The following ALK variants were observed in gnomAD, a reference collection of about 807,000 sequenced individuals.
ALK encodes the protein ALK tyrosine kinase receptor.
In ALK, 74 loss-of-function variants were observed where a neutral mutation model predicts 163.1. That is an observed-to-expected ratio of 0.45 (90% CI 0.38 to 0.55). ALK has a LOEUF of 0.55. Ranked by LOEUF, ALK falls within the 20% of genes least tolerant of loss-of-function variation. The probability of loss-of-function intolerance (pLI) is 0.00; values close to 1 mark genes in which losing one functional copy is unlikely to be tolerated. For synonymous variants in ALK, 960 were observed against 843.2 expected (o/e 1.14, Z -2.40); for missense variants, 2,063 against 2,105.3 (o/e 0.98, Z 0.39).
intron 3 of ALK, among the ~76,000 whole-genome samples, chr2:29,645,884 A>T (rs904131411): frequency 2.0e-5 from 3 of 152,086 alleles, no homozygotes; most frequent in African/African-American, 4.8e-5. Flanking sequence ...TCTCCCCAAG[A>T]TGCTAATATT....
chr2:29,193,556 A>G lies in ALK; in HGVS notation c.4531T>C (p.Phe1511Leu), dbSNP rs1573078272. ...SLWNPTYGSW[F>L]TEKPTKKNNP... ...TTCTTTTTGGTGGGTTTCTCTGTAA[A>G]CCAGGAGCCGTACGTTGGGTTCCAC... The change falls in exon 29 of 29, where the codon TTT (phenylalanine) becomes CTT (leucine). Residue 1511 changes from phenylalanine to leucine, a missense_variant. By Grantham distance (22) the Phe-to-Leu change is conservative. This residue lies in a region of ALK where 403 missense variants were observed against 366.2 expected (regional missense o/e 1.10). Coordinates refer to ENST00000389048, the MANE Select transcript of ALK (RefSeq NM_004304.5). The G allele has an allele frequency of 6.2e-7, 1 of 1,614,132 alleles. No individual in the cohort carries two copies.
At chr2:29,403,605 C>T (rs539670050) in intron 4 of ALK, among the ~76,000 whole-genome samples, 1 of 145,618 alleles carries the variant, frequency 6.9e-6, no homozygotes, top group Admixed American at 7.2e-5. Flanking sequence ...CGCTGGCATG[C>T]TTGTTCACAC....
chr2:29,706,975 A>ATGTGTGTATGTG (rs1678928277), intron 2 of ALK, among the ~76,000 whole-genome samples: 1 of 102,726 alleles, frequency 9.7e-6, no homozygotes, highest in Non-Finnish European at 2.0e-5. Flanking sequence ...CTCATGCAGA[A>ATGTGTGTATGTG]TGTGTGTGTG....
intron 3 of ALK, among the ~76,000 whole-genome samples, chr2:29,544,648 C>T (rs1449651410): frequency 3.9e-5 from 6 of 151,974 alleles, no homozygotes; most frequent in African/African-American, 1.4e-4. Flanking sequence ...TAATCTATAT[C>T]TATATCTGTA....
At chr2:29,258,449 A>G (rs1665005755) in intron 11 of ALK, among the ~76,000 whole-genome samples, 1 of 152,230 alleles carries the variant, frequency 6.6e-6, no homozygotes, top group South Asian at 2.1e-4. Context: ...GAATATATTT[A>G]TAAAAAGATG....
intron 5 of ALK, among the ~76,000 whole-genome samples, chr2:29,378,045 G>A (rs1258526312): frequency 6.6e-6 from 1 of 152,192 alleles, no homozygotes; most frequent in Admixed American, 6.5e-5. Flanking sequence ...AAGAGAAGAG[G>A]AGATATAGTG....
At position 29,833,525 on chromosome 2, in the gene ALK, A is replaced by C. The variant is rs183075464; in HGVS notation, c.667+86468T>G. Among the ~76,000 whole-genome samples the C allele has an allele frequency of 2.0e-3, 303 of 152,364 alleles. 2 individuals carry two copies. Among genetic ancestry groups the C allele is most frequent in the Middle Eastern group, 6.8e-3 (2 of 294 alleles). The stretch of plus-strand genomic sequence containing the variant: ...AAAGATGGAAGCAAACATTAGGAAG[A>C]AATCCAACAGCAAGAATCCTTCAGT... On this transcript the variant is annotated intron_variant, in intron 1 of 28. Transcript: ENST00000389048.
intron 1 of ALK, among the ~76,000 whole-genome samples, chr2:29,906,444 A>G (rs995006869): frequency 1.3e-5 from 2 of 152,208 alleles, no homozygotes; most frequent in African/African-American, 2.4e-5. Flanking sequence ...TAGGAGAGAA[A>G]GAGGAGGAGA....
At chr2:29,861,471 TA>T (rs1489944676) in intron 1 of ALK, among the ~76,000 whole-genome samples, 13 of 151,882 alleles carry the variant, frequency 8.6e-5, no homozygotes, top group Admixed American at 5.9e-4. Context: ...ACCACAGAAA[TA>T]CAAAAGATCA....
At chr2:29,902,430 T>C (rs920537592) in intron 1 of ALK, among the ~76,000 whole-genome samples, 4 of 152,198 alleles carry the variant, frequency 2.6e-5, no homozygotes, top group Non-Finnish European at 1.5e-5. Context: ...CCCAGATTCC[T>C]GACCCCAGTC....
rs766777095 is a variant in ALK at position 29,214,049 on chromosome 2, A to G, written c.3678T>C (p.Leu1226=). The change falls in exon 24 of 29, where the codon CTT becomes CTC. Residue 1226 remains leucine, a synonymous_variant. Transcript: ENST00000389048. The part of the protein sequence containing the change: ...SQPSSLAMLD[L]LHVARDIACG... ...AGGCAATGTCCCGAGCCACGTGCAG[A>G]AGGTCCAGCATGGCCAGGGAGGAGG... 6.2e-7 allele frequency: 1 copy of G among 1,614,100 alleles called. No individual in the cohort carries two copies. Among genetic ancestry groups the G allele is most frequent in the South Asian group, 1.1e-5 (1 of 91,070 alleles).
chr2:29,197,391 T>C (rs2148142675), intron 27 of ALK, 151 bp downstream of exon 27: 1 of 1,156,848 alleles, frequency 8.6e-7, no homozygotes, highest in Non-Finnish European at 1.2e-6. Context: ...TCCATCTCAC[T>C]GAAGTCGCAG....
At chr2:29,724,077 G>A (rs1038237653) in intron 1 of ALK, among the ~76,000 whole-genome samples, 2 of 152,106 alleles carry the variant, frequency 1.3e-5, no homozygotes, top group Non-Finnish European at 2.9e-5. Flanking sequence ...TCATACTTGT[G>A]TCAGTATAAG....
chr2:29,799,950 C>A (rs995290923), intron 1 of ALK, among the ~76,000 whole-genome samples: 1 of 152,262 alleles, frequency 6.6e-6, no homozygotes, highest in Non-Finnish European at 1.5e-5. Flanking sequence ...GTGTTCAGAA[C>A]TTTCTCTGTA....
intron 27 of ALK, 81 bp from the exon 28 acceptor site, chr2:29,196,941 A>G (rs2148142238): frequency 8.1e-7 from 1 of 1,235,426 alleles, no homozygotes; most frequent in South Asian, 1.2e-5. Context: ...CAGGGTTGCA[A>G]CGAATACGTT....
intron 3 of ALK, among the ~76,000 whole-genome samples, chr2:29,606,543 C>T (rs1675547090): frequency 6.6e-6 from 1 of 152,234 alleles, no homozygotes; most frequent in Admixed American, 6.5e-5. Flanking sequence ...TGTGGACAGA[C>T]CTGGGTGTCT....
chr2:29,831,259 G>GGAAGAGGAAGAA (rs1665405769), intron 1 of ALK, among the ~76,000 whole-genome samples: 3 of 28,150 alleles, frequency 1.1e-4, no homozygotes, highest in African/African-American at 2.2e-4. Flanking sequence ...AAGAGGAAGA[G>GGAAGAGGAAGAA]GAAGAAGAAG....
At chr2:29,222,731 A>C (rs897417910) in intron 20 of ALK, 124 bp from the exon 21 acceptor site, 5 of 771,588 alleles carry the variant, frequency 6.5e-6, no homozygotes, top group African/African-American at 1.7e-5. Flanking sequence ...TAACATACAC[A>C]CTCAGGAGTA....
chr2:29,528,303 C>A (rs1484282043), intron 4 of ALK, among the ~76,000 whole-genome samples: 1 of 152,104 alleles, frequency 6.6e-6, no homozygotes. Flanking sequence ...TAGCCCTACA[C>A]GCCACCCACC....
Sources: gnomAD v4.1 joint callset for allele counts (sites outside exome capture counted in the v4.1 genomes callset) on GRCh38, gnomAD v4.1.1 for gene constraint, gnomAD v4.1.1 regional missense constraint, MANE v1.5 for transcripts, NCBI Gene and HGNC (gene_info 2026-07-23, HGNC 2026-07-21) for gene names.